The following DAB1 variants were observed in gnomAD, a reference collection of about 807,000 sequenced individuals.
DAB1 encodes the protein DAB adaptor protein 1, also known as disabled homolog 1.
In DAB1, 15 loss-of-function variants were observed where a neutral mutation model predicts 64.6. The observed-to-expected ratio is 0.23, with a 90% CI of 0.16 to 0.36. The LOEUF (loss-of-function observed/expected upper bound fraction) is 0.36, where lower values mean the gene tolerates loss of function less well. Among genes scored for constraint, DAB1 ranks in the 10% least tolerant of loss-of-function variants. The pLI is 1.00. For synonymous variants in DAB1, 235 were observed against 251.9 expected, an observed-to-expected ratio of 0.93 and a Z score of 0.64; for missense variants, 596 against 706.7, an observed-to-expected ratio of 0.84 and a Z score of 1.78.
At chr1:57,946,969 C>A (rs1055149386) in intron 5 of DAB1, among the ~76,000 whole-genome samples, 1 of 152,140 alleles carries the variant, frequency 6.6e-6, no homozygotes, top group African/African-American at 2.4e-5. Context: ...ATCTTAGAGT[C>A]CATTTTTCAA....
At chr1:57,724,294 GGAAGGA>G in intron 6 of DAB1, among the ~76,000 whole-genome samples, 1 of 130,880 alleles carries the variant, frequency 7.6e-6, no homozygotes, top group Admixed American at 7.8e-5. Flanking sequence ...AACGAAGGAA[GGAAGGA>G]AGGGAGGGAG....
intron 2 of DAB1, among the ~76,000 whole-genome samples, chr1:57,227,519 T>TTTTGTGTGTG (rs3222527): frequency 5.2e-5 from 7 of 135,726 alleles, no homozygotes; most frequent in African/African-American, 1.6e-4. Flanking sequence ...TTTTTTTCTT[T>TTTTGTGTGTG]TGTGTGTGTG....
In DAB1 at chr1:57,420,622, T is replaced by G. The variant is rs1290895245; in HGVS notation, c.-137+3308A>C. On this transcript the variant is annotated intron_variant, in intron 1 of 14. Transcript: ENST00000371236. ...CTTCCAATTCCAAATGCCATCCACT[T>G]TCTTGAACAGAATTCCATGCTGTCT... Among the ~76,000 whole-genome samples the G allele has an allele frequency of 2.0e-5, 3 of 152,226 alleles. No homozygotes were observed. The East Asian group carries it at 5.8e-4, about 29-fold the overall frequency.
chr1:57,380,082 A>G (rs528859383), intron 1 of DAB1, among the ~76,000 whole-genome samples: 1 of 152,354 alleles, frequency 6.6e-6, no homozygotes, highest in Non-Finnish European at 1.5e-5. Flanking sequence ...AAGTTTTAAC[A>G]GTCACCAAAT....
intron 6 of DAB1, among the ~76,000 whole-genome samples, chr1:57,767,149 C>T (rs151277562): frequency 7.2e-5 from 11 of 152,072 alleles, no homozygotes; most frequent in African/African-American, 2.2e-4. Flanking sequence ...AATCTTCCTA[C>T]CTCCACAGAG....
intron 3 of DAB1, among the ~76,000 whole-genome samples, chr1:58,363,541 G>A (rs1644186763): frequency 6.6e-6 from 1 of 152,196 alleles, no homozygotes; most frequent in Non-Finnish European, 1.5e-5. Context: ...TGATCAGTGC[G>A]AGTTAGTGTA....
chr1:58,532,506 T>G (rs1646449243), intron 1 of DAB1, among the ~76,000 whole-genome samples: 1 of 152,198 alleles, frequency 6.6e-6, no homozygotes, highest in South Asian at 2.1e-4. Context: ...TGTGTATATT[T>G]GTTTAAGAAA....
chr1:58,394,613 T>C (rs759014333), intron 3 of DAB1, among the ~76,000 whole-genome samples: 7 of 152,174 alleles, frequency 4.6e-5, no homozygotes, highest in Non-Finnish European at 8.8e-5. Flanking sequence ...TGTAACAACA[T>C]TGATGAGTCA....
At chr1:57,635,262 C>A (rs1387341954) in intron 7 of DAB1, among the ~76,000 whole-genome samples, 1 of 152,178 alleles carries the variant, frequency 6.6e-6, no homozygotes, top group Non-Finnish European at 1.5e-5. Context: ...GTACTCTAAT[C>A]CAGGGGTCCC....
chr1:58,048,648 A>G, intron 5 of DAB1: 2 of 1,253,510 alleles, frequency 1.6e-6, no homozygotes, highest in Non-Finnish European at 2.3e-6. Flanking sequence ...CCACAACCAA[A>G]GTTGTCATTC....
chr1:56,999,244 G>A (rs1455348040), intron 14 of DAB1, among the ~76,000 whole-genome samples: 1 of 152,198 alleles, frequency 6.6e-6, no homozygotes, highest in Non-Finnish European at 1.5e-5. Context: ...AGCCTTGTAA[G>A]GCAGATGCTT....
chr1:57,197,383 G>A (rs1458214588), intron 2 of DAB1, among the ~76,000 whole-genome samples: 2 of 151,138 alleles, frequency 1.3e-5, no homozygotes, highest in East Asian at 1.9e-4. Context: ...AAACTTGACC[G>A]AAACCACATG....
chr1:57,785,895 T>C (rs1650314966), intron 6 of DAB1, among the ~76,000 whole-genome samples: 1 of 152,138 alleles, frequency 6.6e-6, no homozygotes, highest in African/African-American at 2.4e-5. Context: ...TAAAATGCTA[T>C]CAAACAGCAT....
At chr1:57,819,414 G>C (rs1236934945) in intron 6 of DAB1, among the ~76,000 whole-genome samples, 1 of 152,122 alleles carries the variant, frequency 6.6e-6, no homozygotes, top group Admixed American at 6.5e-5. Flanking sequence ...GCTGGTTTCT[G>C]TCTCCATTCT....
chr1:57,377,872 A>G (rs1681037071), intron 1 of DAB1, among the ~76,000 whole-genome samples: 1 of 152,174 alleles, frequency 6.6e-6, no homozygotes, highest in African/African-American at 2.4e-5. Flanking sequence ...GAGGGACAGG[A>G]GGAAGGAGCA....
At chr1:57,747,807 C>CA (rs373640023) in intron 6 of DAB1, among the ~76,000 whole-genome samples, 6,712 of 43,864 alleles carry the variant, frequency 0.15, 808 homozygotes, top group African/African-American at 0.2. Flanking sequence ...GGACTCTGTC[C>CA]AAAAAAAAAA....
chr1:57,199,966 C>T (rs993147685), intron 2 of DAB1, among the ~76,000 whole-genome samples: 9 of 152,100 alleles, frequency 5.9e-5, no homozygotes, highest in African/African-American at 1.9e-4. Context: ...GAGCATGGGA[C>T]CAAGGAATCC....
chr1:57,192,295 T>G (rs545471972), intron 2 of DAB1, among the ~76,000 whole-genome samples: 1 of 145,140 alleles, frequency 6.9e-6, no homozygotes, highest in South Asian at 2.2e-4. Context: ...CCAGCCCGGG[T>G]GACAGAGCAA....
chr1:57,817,299 T>C (rs1184289458), intron 6 of DAB1, among the ~76,000 whole-genome samples: 1 of 151,964 alleles, frequency 6.6e-6, no homozygotes, highest in Non-Finnish European at 1.5e-5. Context: ...AATGTGGAGG[T>C]TCCTTCCTGG....
Sources: gnomAD v4.1 joint callset for allele counts (sites outside exome capture counted in the v4.1 genomes callset) on GRCh38, gnomAD v4.1.1 for gene constraint, MANE v1.5 for transcripts, NCBI Gene and HGNC (gene_info 2026-07-23, HGNC 2026-07-21) for gene names.